BICDL1: variants seen among roughly 807,000 people sequenced by gnomAD.
BICDL1 encodes the protein BICD family like cargo adaptor 1, also known as BICD family-like cargo adapter 1.
In BICDL1, 20 loss-of-function variants were observed where a neutral mutation model predicts 76.8. The ratio of observed to expected loss-of-function variants is 0.26; its 90% CI spans 0.18 to 0.38. The LOEUF (loss-of-function observed/expected upper bound fraction) is 0.38, where lower values mean the gene tolerates loss of function less well. Among genes scored for constraint, BICDL1 ranks in the 10% least tolerant of loss-of-function variants. The pLI is 1.00. For synonymous variants in BICDL1, 383 were observed against 337.1 expected, an observed-to-expected ratio of 1.14 and a Z score of -1.49; for missense variants, 700 against 798.6, an observed-to-expected ratio of 0.88 and a Z score of 1.49.
At chr12:120,030,329 T>G (rs1952396760) in intron 2 of BICDL1, among the ~76,000 whole-genome samples, 1 of 152,194 alleles carries the variant, frequency 6.6e-6, no homozygotes, top group Non-Finnish European at 1.5e-5. Context: ...AGCCCCATGA[T>G]TTAGAGGAAA....
At chr12:120,074,694 C>G in intron 7 of BICDL1, 108 bp downstream of exon 7, 1 of 872,120 alleles carries the variant, frequency 1.1e-6, no homozygotes, top group Non-Finnish European at 1.4e-6. Context: ...AAGTGGCTCT[C>G]CTTCATCAGA....
chr12:120,046,938 G>A (rs1361228078), intron 2 of BICDL1, among the ~76,000 whole-genome samples: 1 of 152,168 alleles, frequency 6.6e-6, no homozygotes, highest in Non-Finnish European at 1.5e-5. Context: ...TTGAATAATA[G>A]TCCTCTTCCA....
chr12:120,091,404 T>C, intron 9 of BICDL1: 1 of 1,013,892 alleles, frequency 9.9e-7, no homozygotes. Flanking sequence ...TTTGAAAGGT[T>C]GGTTTTTGAA....
At chr12:119,994,687 A>C (rs1236869280) in intron 1 of BICDL1, among the ~76,000 whole-genome samples, 1 of 152,098 alleles carries the variant, frequency 6.6e-6, no homozygotes, top group Non-Finnish European at 1.5e-5. Flanking sequence ...ACGGGGTTTC[A>C]CCATCTTGGT....
chr12:119,997,320 C>T (rs192040194), intron 1 of BICDL1, among the ~76,000 whole-genome samples: 9 of 152,298 alleles, frequency 5.9e-5, no homozygotes, highest in Non-Finnish European at 8.8e-5. Flanking sequence ...ACCATATGTA[C>T]TTTTCCTGCA....
At chr12:120,014,556 G>A (rs1162843169) in intron 2 of BICDL1, among the ~76,000 whole-genome samples, 1 of 152,058 alleles carries the variant, frequency 6.6e-6, no homozygotes, top group Non-Finnish European at 1.5e-5. Flanking sequence ...GCCAAGTGTG[G>A]TGGCGCGTGC....
chr12:119,989,594 C>G lies in BICDL1; in HGVS notation c.-275C>G, dbSNP rs1951468209. Among the ~76,000 whole-genome samples the G allele has an allele frequency of 6.7e-6, 1 of 150,324 alleles. No individual in the cohort carries two copies. Among genetic ancestry groups the G allele is most frequent in the Admixed American group, 6.6e-5 (1 of 15,144 alleles). On this transcript the variant is annotated 5_prime_UTR_variant, in exon 1 of 10. Coordinates refer to ENST00000548673, the MANE Select transcript of BICDL1 (RefSeq NM_001367886.1). ...CTGAGTCCTCCCTTCCCCAGCCTTC[C>G]CGTTCCCACCACCTACTCCGCCACT...
intron 2 of BICDL1, among the ~76,000 whole-genome samples, chr12:120,040,498 C>G (rs1952617456): frequency 1.3e-5 from 2 of 152,106 alleles, no homozygotes; most frequent in African/African-American, 2.4e-5. Context: ...TCACTGCAAC[C>G]TTCACCTCCC....
Position 120,071,393 on chromosome 12 carries a change from C to T in BICDL1, c.910-229C>T, listed in dbSNP as rs1024829198. Among the ~76,000 whole-genome samples, 2 of 152,046 alleles carry T rather than the reference C, an allele frequency of 1.3e-5. No homozygotes were observed. The highest frequency in any genetic ancestry group is 6.6e-5 in the Admixed American group (1 of 15,260). ...CTGACCTTAGGTGATCTGCCCGCCTCGGCCTCCCAAAGTGCTGGGATTACA... is the reference window on the plus strand; with the variant it reads ...CTGACCTTAGGTGATCTGCCCGCCTTGGCCTCCCAAAGTGCTGGGATTACA... On this transcript the variant is annotated intron_variant, in intron 4 of 9. Transcript: ENST00000548673. The surrounding 1 kb of genome is among the most constrained non-coding windows in gnomAD (Gnocchi z 4.8).
chr12:120,028,558 C>A (rs1165802052), intron 2 of BICDL1, among the ~76,000 whole-genome samples: 5 of 152,120 alleles, frequency 3.3e-5, no homozygotes, highest in Admixed American at 3.3e-4. Flanking sequence ...CGCCTGTAAT[C>A]CTAGCCACTC....
chr12:120,011,688 T>A (rs1951956307), intron 2 of BICDL1, among the ~76,000 whole-genome samples: 1 of 152,214 alleles, frequency 6.6e-6, no homozygotes, highest in African/African-American at 2.4e-5. Context: ...CTTTCATGGT[T>A]ATATTAGGTA....
chr12:119,994,500 T>G (rs1951595490), intron 1 of BICDL1, among the ~76,000 whole-genome samples: 1 of 152,118 alleles, frequency 6.6e-6, no homozygotes. Flanking sequence ...ATAGACTCTT[T>G]TTTTTTCGAG....
intron 2 of BICDL1, among the ~76,000 whole-genome samples, chr12:120,015,896 C>T (rs1016037835): frequency 6.6e-6 from 1 of 152,142 alleles, no homozygotes; most frequent in African/African-American, 2.4e-5. Context: ...TTGAAACAGC[C>T]TTATTGAAGT....
chr12:120,045,411 A>G (rs1736991323), intron 2 of BICDL1, among the ~76,000 whole-genome samples: 1 of 152,054 alleles, frequency 6.6e-6, no homozygotes, highest in Non-Finnish European at 1.5e-5. Flanking sequence ...CAGCCATCCC[A>G]TTACTGGGTA....
intron 2 of BICDL1, among the ~76,000 whole-genome samples, chr12:120,021,607 AAAAG>A (rs1314404614): frequency 1.7e-4 from 25 of 149,246 alleles, no homozygotes; most frequent in East Asian, 7.9e-4. Flanking sequence ...AAAAAAAAAA[AAAAG>A]AGAATCAGCC....
At chr12:120,057,818 C>CTTTTTTTTTTT (rs143777152) in intron 2 of BICDL1, among the ~76,000 whole-genome samples, 19 of 78,324 alleles carry the variant, frequency 2.4e-4, no homozygotes, top group African/African-American at 1.2e-3. Flanking sequence ...GCGATTCCTG[C>CTTTTTTTTTTT]TTTTTTTTTT....
rs1390044950 is a variant in BICDL1 at position 120,092,799 on chromosome 12, T to C, written c.1705-201T>C. The C allele has an allele frequency of 5.1e-6, 5 of 985,328 alleles. No individual in the cohort carries two copies. The East Asian group carries it at 4.5e-4, about 89-fold the overall frequency. The allele number at this position is 985,328 out of a possible 1,614,324, so 61.0% of individuals were successfully genotyped here. On this transcript the variant is annotated intron_variant, in intron 9 of 9. Coordinates refer to ENST00000548673, the MANE Select transcript of BICDL1 (RefSeq NM_001367886.1). ...GAACCCAGCCCAAGCCTGAGGAGGC[T>C]GGAGGTGCCATACGGCTCCTGCGTG...
chr12:120,012,754 AT>A (rs1042136248), intron 2 of BICDL1, among the ~76,000 whole-genome samples: 1 of 151,838 alleles, frequency 6.6e-6, no homozygotes, highest in African/African-American at 2.4e-5. Context: ...TCCATTATGT[AT>A]TTTTTTTCTT....
intron 8 of BICDL1, among the ~76,000 whole-genome samples, chr12:120,087,095 G>A (rs1220332364): frequency 1.3e-5 from 2 of 152,230 alleles, no homozygotes; most frequent in Non-Finnish European, 2.9e-5. Context: ...AGCTCAGGAG[G>A]CTGTGGCTGT....
Sources: gnomAD v4.1 joint callset for allele counts (sites outside exome capture counted in the v4.1 genomes callset) on GRCh38, gnomAD v4.1.1 for gene constraint, Gnocchi (gnomAD v3.1) non-coding constraint, MANE v1.5 for transcripts, NCBI Gene and HGNC (gene_info 2026-07-23, HGNC 2026-07-21) for gene names.